CAMK2G: variants seen among roughly 807,000 people sequenced by gnomAD.
CAMK2G encodes calcium/calmodulin-dependent protein kinase type II subunit gamma.
A neutral mutation model predicts 88.7 loss-of-function variants in CAMK2G; 23 were observed. The observed-to-expected ratio is 0.26, with a 90% CI of 0.19 to 0.37. The LOEUF (loss-of-function observed/expected upper bound fraction) is 0.37, where lower values mean the gene tolerates loss of function less well. Ranked by LOEUF, CAMK2G falls within the 10% of genes least tolerant of loss-of-function variation. The pLI is 1.00. For synonymous variants in CAMK2G, 263 were observed against 294.8 expected, an observed-to-expected ratio of 0.89 and a Z score of 1.11; for missense variants, 476 against 780.8, an observed-to-expected ratio of 0.61 and a Z score of 4.65.
At chr10:73,831,924 C>CT (rs913430462) in intron 14 of CAMK2G, among the ~76,000 whole-genome samples, 28 of 148,976 alleles carry the variant, frequency 1.9e-4, no homozygotes, top group African/African-American at 4.9e-4. Context: ...TACCTCTTTT[C>CT]TTTTTTTTTT....
chr10:73,817,698 A>G, intron 19 of CAMK2G, 144 bp from the exon 20 acceptor site: 1 of 646,018 alleles, frequency 1.5e-6, no homozygotes, highest in Non-Finnish European at 2.8e-6. Flanking sequence ...TGGCAGGAAG[A>G]GCGAACACAC....
intron 3 of CAMK2G, among the ~76,000 whole-genome samples, chr10:73,857,821 C>T (rs576773607): frequency 1.1e-3 from 161 of 152,328 alleles, no homozygotes; most frequent in African/African-American, 3.7e-3. Context: ...GTTTGGAGTT[C>T]GGCAGTGTGC....
At chr10:73,857,526 G>C (rs1165113098) in intron 3 of CAMK2G, among the ~76,000 whole-genome samples, 1 of 152,176 alleles carries the variant, frequency 6.6e-6, no homozygotes, top group Non-Finnish European at 1.5e-5. Flanking sequence ...TGGAGACTCA[G>C]GTCCTACCCC....
At chr10:73,852,803 GA>G in intron 4 of CAMK2G, 1 of 263,484 alleles carries the variant, frequency 3.8e-6, no homozygotes, top group Non-Finnish European at 7.2e-6. Flanking sequence ...ACGTGGAGGA[GA>G]GACCCAATCC....
chr10:73,841,874 G>T, intron 12 of CAMK2G: 1 of 392,800 alleles, frequency 2.5e-6, no homozygotes, highest in Non-Finnish European at 4.7e-6. Flanking sequence ...TCTGTAAAGT[G>T]CTGAGAGTCT....
intron 13 of CAMK2G, 61 bp from the exon 14 acceptor site, chr10:73,837,572 C>G (rs980740450): frequency 2.2e-6 from 3 of 1,347,722 alleles, no homozygotes; most frequent in Non-Finnish European, 3.2e-6. Context: ...AACCTGAAGT[C>G]CGGCAGCCAG....
At chr10:73,857,519 A>T (rs2095126063) in intron 3 of CAMK2G, among the ~76,000 whole-genome samples, 2 of 152,316 alleles carry the variant, frequency 1.3e-5, no homozygotes, top group South Asian at 4.1e-4. Context: ...CATCAGCTGG[A>T]GACTCAGGTC....
At chr10:73,816,827 G>A in intron 21 of CAMK2G, 196 bp downstream of exon 21, 1 of 1,551,202 alleles carries the variant, frequency 6.4e-7, no homozygotes, top group Non-Finnish European at 8.7e-7. Context: ...ATGGCACTTG[G>A]AGCTCAGGAG....
intron 17 of CAMK2G, among the ~76,000 whole-genome samples, 173 bp from the exon 18 acceptor site, chr10:73,821,903 C>T (rs2088962626): frequency 6.6e-6 from 1 of 152,166 alleles, no homozygotes; most frequent in Admixed American, 6.5e-5. Flanking sequence ...CTAGTCTTCC[C>T]CCAGTTGGTA....
chr10:73,864,692 G>A (rs2095518469), intron 2 of CAMK2G, among the ~76,000 whole-genome samples: 1 of 152,042 alleles, frequency 6.6e-6, no homozygotes, highest in African/African-American at 2.4e-5. Context: ...GCCCAGGCTG[G>A]AGTGCAGTGG....
At chr10:73,840,318 T>A (rs1351489127) in intron 12 of CAMK2G, among the ~76,000 whole-genome samples, 1 of 152,234 alleles carries the variant, frequency 6.6e-6, no homozygotes, top group African/African-American at 2.4e-5. Flanking sequence ...CGATTCGCTG[T>A]TAGCCAAACT....
Position 73,848,945 on chromosome 10 carries a change from G to T in CAMK2G, c.517+68C>A. Reference sequence around the variant, plus strand: ...AAGGGTCTGGCTTCTAGTTCTAATAGAGGAAGGCAGATCAGGAAGAGGAGG... The same window carrying T: ...AAGGGTCTGGCTTCTAGTTCTAATATAGGAAGGCAGATCAGGAAGAGGAGG... On this transcript the variant is annotated intron_variant, in intron 7 of 22. Transcript: ENST00000423381. The surrounding 1 kb of genome is among the most constrained non-coding windows in gnomAD (Gnocchi z 4.5). The T allele has an allele frequency of 2.0e-6, 2 of 1,008,174 alleles. No individual in the cohort carries two copies. The highest frequency in any genetic ancestry group is 1.3e-5 in the South Asian group (1 of 78,786). The allele number at this position is 1,008,174 out of a possible 1,614,324, so 62.5% of individuals were successfully genotyped here. A position where few individuals can be genotyped will look rare whatever the true frequency, so the allele number is the denominator to read the frequency against.
At chr10:73,828,774 G>A (rs1001431887) in intron 14 of CAMK2G, among the ~76,000 whole-genome samples, 4 of 152,228 alleles carry the variant, frequency 2.6e-5, no homozygotes, top group Non-Finnish European at 1.5e-5. Flanking sequence ...AGGAGTGCCA[G>A]TGATTAAAAC....
At chr10:73,873,396 C>T in intron 1 of CAMK2G, 6 of 1,242,210 alleles carry the variant, frequency 4.8e-6, no homozygotes, top group Non-Finnish European at 6.1e-6. Context: ...ACACCTGCTG[C>T]ATCTCAGACA....
chr10:73,856,028 C>T (rs1274184097), intron 3 of CAMK2G, among the ~76,000 whole-genome samples: 1 of 152,066 alleles, frequency 6.6e-6, no homozygotes, highest in Non-Finnish European at 1.5e-5. Flanking sequence ...CTGTCTCAGC[C>T]TCCTGAGAGG....
At chr10:73,828,005 C>T (rs893873392) in intron 15 of CAMK2G, 84 bp downstream of exon 15, 14 of 1,065,490 alleles carry the variant, frequency 1.3e-5, no homozygotes, top group Middle Eastern at 2.4e-4. Context: ...GTGAGGCACA[C>T]GCACGTGGCA....
chr10:73,819,520 C>T lies in CAMK2G; in HGVS notation c.1363+12G>A. 6.5e-7 allele frequency: 1 copy of T among 1,528,650 alleles called. No homozygotes were observed. The highest frequency in any genetic ancestry group is 8.9e-7 in the Non-Finnish European group (1 of 1,127,666). 94.7% of individuals were successfully genotyped at this position (1,528,650 alleles called of 1,614,324 possible). ...GGAGACGGAAGCCAGAATGTGCCTC[C>T]CTCACACTTACTGGCTGAGGAGCAG... On this transcript the variant is annotated intron_variant, in intron 19 of 22. Transcript: ENST00000423381.
chr10:73,849,382 C>T lies in CAMK2G; in HGVS notation c.342-49G>A, dbSNP rs758198212. ...ATGTTAGCGCAGGGTTAAACCACCT[C>T]ATCCACATCCACAACCACATGCTGC... is the stretch of plus-strand genomic sequence containing the variant. On this transcript the variant is annotated intron_variant, in intron 5 of 22. Coordinates refer to ENST00000423381, the MANE Select transcript of CAMK2G (RefSeq NM_001367534.1). 6 of 1,290,342 alleles carry T rather than the reference C, an allele frequency of 4.6e-6. No homozygotes were observed. The South Asian group carries it at 7.3e-5, about 16-fold the overall frequency. 79.9% of individuals were successfully genotyped at this position (1,290,342 alleles called of 1,614,324 possible).
intron 5 of CAMK2G, among the ~76,000 whole-genome samples, chr10:73,850,518 G>A (rs80002649): frequency 6.6e-6 from 1 of 152,216 alleles, no homozygotes; most frequent in African/African-American, 2.4e-5. Context: ...GTGGGCAGAG[G>A]CCAAGGATGC....
Sources: allele counts gnomAD v4.1 joint callset (sites outside exome capture counted in the v4.1 genomes callset), GRCh38; gene constraint gnomAD v4.1.1; non-coding constraint Gnocchi (gnomAD v3.1); transcripts MANE v1.5; gene names NCBI Gene and HGNC (gene_info 2026-07-23, HGNC 2026-07-21).